The following HEPHL1 variants were observed in gnomAD, a reference collection of about 807,000 sequenced individuals.
HEPHL1 encodes the protein ferroxidase HEPHL1.
Under a neutral mutation model 122.0 loss-of-function variants are expected in HEPHL1, and 123 were observed. The observed-to-expected ratio is 1.01, with a 90% CI of 0.87 to 1.17. HEPHL1 has a LOEUF of 1.17. HEPHL1 is among the 50% of genes most tolerant of loss of function. The pLI is 0.00. For synonymous variants in HEPHL1, 527 were observed against 508.9 expected (o/e 1.04, Z -0.48); for missense variants, 1,452 against 1,430.5 (o/e 1.01, Z -0.24).
chr11:94,084,574 C>G (rs114483143), intron 10 of HEPHL1, among the ~76,000 whole-genome samples: 2,209 of 152,126 alleles, frequency 0.015, 50 homozygotes, highest in African/African-American at 0.05. Context: ...ATTATATAGT[C>G]TGTATTCAAA....
chr11:94,092,955 T>C (rs1665605185), intron 12 of HEPHL1, among the ~76,000 whole-genome samples: 1 of 152,186 alleles, frequency 6.6e-6, no homozygotes, highest in Non-Finnish European at 1.5e-5. Context: ...GTATCAACTG[T>C]ATCTATCTAT....
Position 94,065,557 on chromosome 11 carries a change from T to C in HEPHL1, c.808+1047T>C, listed in dbSNP as rs78369769. ...CTTCTTTTTTCCTTCTAGTGGTATT[T>C]TGGCAACCTTATGTGTAGTGATTCT... On this transcript the variant is annotated intron_variant, in intron 4 of 19. Coordinates refer to ENST00000315765, the MANE Select transcript of HEPHL1 (RefSeq NM_001098672.2). 2.1e-3 allele frequency among the ~76,000 whole-genome samples: 316 copies of C among 152,296 alleles called. 4 individuals carry two copies. The highest frequency in any genetic ancestry group is 7.1e-3 in the African/African-American group (295 of 41,572).
intron 1 of HEPHL1, among the ~76,000 whole-genome samples, chr11:94,027,211 C>T (rs1433704326): frequency 6.6e-6 from 1 of 152,170 alleles, no homozygotes; most frequent in African/African-American, 2.4e-5. Context: ...TATAAGGATG[C>T]TTTTGATGGT....
chr11:94,085,260 C>T (rs531949099), intron 10 of HEPHL1, among the ~76,000 whole-genome samples: 1 of 152,240 alleles, frequency 6.6e-6, no homozygotes, highest in South Asian at 2.1e-4. Flanking sequence ...GGGTTGATGT[C>T]AAAGATAAAA....
chr11:94,101,074 C>T, intron 13 of HEPHL1, 121 bp from the exon 14 acceptor site: 2 of 984,008 alleles, frequency 2.0e-6, no homozygotes, highest in Non-Finnish European at 3.1e-6. Flanking sequence ...GTTATATATG[C>T]CTTTCTCGGA....
At chr11:94,051,428 C>T (rs1247628107) in intron 2 of HEPHL1, among the ~76,000 whole-genome samples, 2 of 152,056 alleles carry the variant, frequency 1.3e-5, no homozygotes, top group South Asian at 4.1e-4. Flanking sequence ...TTTTCATACA[C>T]CTGTTTACCA....
rs201036709 is a variant in HEPHL1 at position 94,093,971 on chromosome 11, GATATATATATATATATATAT to G, written c.2434+355_2434+374del. Among the ~76,000 whole-genome samples, 96 of 72,780 alleles carry G rather than the reference GATATATATATATATATATAT, an allele frequency of 1.3e-3. 4 individuals carry two copies. In the East Asian group the frequency reaches 0.015, roughly 12 times the overall value. The allele number at this position is 72,780 out of a possible 152,430, so 47.7% of individuals were successfully genotyped here. On this transcript the variant is annotated intron_variant, in intron 13 of 19. Coordinates refer to ENST00000315765, the MANE Select transcript of HEPHL1 (RefSeq NM_001098672.2). The stretch of plus-strand genomic sequence containing the variant: ...AAATTTTCTTTTAAATCCTCCAGCA[GATATATATATATATATATAT>G]ATATATATATATATATATATATAAA...
chr11:94,062,431 T>C (rs146772472), intron 2 of HEPHL1, among the ~76,000 whole-genome samples: 94 of 152,350 alleles, frequency 6.2e-4, no homozygotes, highest in African/African-American at 2.2e-3. Context: ...AATGGTAACA[T>C]TAGATTTTTT....
At chr11:94,025,386 T>A (rs1381611660) in intron 1 of HEPHL1, among the ~76,000 whole-genome samples, 1 of 152,168 alleles carries the variant, frequency 6.6e-6, no homozygotes, top group African/African-American at 2.4e-5. Context: ...ATAAAGTCCT[T>A]AATTAAGGTG....
At chr11:94,060,811 T>C (rs1945981152) in intron 2 of HEPHL1, among the ~76,000 whole-genome samples, 1 of 152,146 alleles carries the variant, frequency 6.6e-6, no homozygotes, top group African/African-American at 2.4e-5. Context: ...TGGGAAGCAA[T>C]GAAATGATTT....
chr11:94,025,901 G>C (rs1281305891), intron 1 of HEPHL1, among the ~76,000 whole-genome samples: 1 of 152,180 alleles, frequency 6.6e-6, no homozygotes, highest in Non-Finnish European at 1.5e-5. Context: ...GATGCCATAT[G>C]AATCTCTGGG....
At chr11:94,047,320 GTCCCCA>G (rs1945849051) in intron 2 of HEPHL1, among the ~76,000 whole-genome samples, 1 of 152,094 alleles carries the variant, frequency 6.6e-6, no homozygotes, top group African/African-American at 2.4e-5. Context: ...ATTAAGCCTA[GTCCCCA>G]TTAGTTATTT....
In HEPHL1 at chr11:94,105,981, C is replaced by A; in HGVS notation, c.2906-10C>A. ...CTAACCAAAGGTTATTTTCTTATCA[C>A]CTTTTAAAGCCATTAATGGAAAGAT... is the stretch of plus-strand genomic sequence containing the variant. On this transcript the variant is annotated splice_polypyrimidine_tract_variant and intron_variant, in intron 16 of 19. Coordinates refer to ENST00000315765, the MANE Select transcript of HEPHL1 (RefSeq NM_001098672.2). 6.4e-7 allele frequency: 1 copy of A among 1,553,242 alleles called. No individual in the cohort carries two copies. Among genetic ancestry groups the A allele is most frequent in the Admixed American group, 1.8e-5 (1 of 54,748 alleles).
intron 2 of HEPHL1, among the ~76,000 whole-genome samples, chr11:94,049,950 A>T (rs924837075): frequency 1.4e-4 from 21 of 152,312 alleles, no homozygotes; most frequent in Admixed American, 1.3e-4. Flanking sequence ...TGCATTTAAA[A>T]ACAAATGGCC....
Position 94,045,833 on chromosome 11 carries a change from G to T in HEPHL1, c.331G>T (p.Val111Leu), listed in dbSNP as rs771681738. 2.7e-5 allele frequency: 44 copies of T among 1,613,812 alleles called. No homozygotes were observed. Among genetic ancestry groups the T allele is most frequent in the Non-Finnish European group, 3.6e-5 (43 of 1,179,878 alleles). The change falls in exon 2 of 20, where the codon GTG (valine) becomes TTG (leucine). Residue 111 changes from valine to leucine, a missense_variant. Transcript: ENST00000315765. The part of the protein sequence containing the change: ...GPILRAEVGD[V>L]IVIHLKNFAS... ...CATCTTGAGGGCCGAAGTGGGTGAT[G>T]TGATTGTCATTCATTTAAAGAACTT...
intron 9 of HEPHL1, among the ~76,000 whole-genome samples, chr11:94,079,262 G>C (rs139053926): frequency 6.6e-6 from 1 of 152,136 alleles, no homozygotes; most frequent in African/African-American, 2.4e-5. Flanking sequence ...TAAATCACTT[G>C]CTCCAGGCTT....
At chr11:94,095,327 G>A (rs1021823801) in intron 13 of HEPHL1, among the ~76,000 whole-genome samples, 9 of 152,114 alleles carry the variant, frequency 5.9e-5, no homozygotes, top group African/African-American at 1.4e-4. Flanking sequence ...TTATTTCTGA[G>A]GGCTCTGTTC....
intron 12 of HEPHL1, among the ~76,000 whole-genome samples, chr11:94,092,625 G>T (rs1487151493): frequency 1.3e-5 from 2 of 152,140 alleles, no homozygotes; most frequent in Non-Finnish European, 2.9e-5. Flanking sequence ...AGTGTCCTCA[G>T]TGTAAGAAGC....
chr11:94,089,454 C>T (rs373176355), intron 12 of HEPHL1, among the ~76,000 whole-genome samples: 8 of 152,130 alleles, frequency 5.3e-5, no homozygotes, highest in South Asian at 4.1e-4. Context: ...ACTCCGGGAT[C>T]GGGGTAGGAA....
Sources: gnomAD v4.1 joint callset for allele counts (sites outside exome capture counted in the v4.1 genomes callset) on GRCh38, gnomAD v4.1.1 for gene constraint, MANE v1.5 for transcripts, NCBI Gene and HGNC (gene_info 2026-07-23, HGNC 2026-07-21) for gene names.